Variants in THBS4 observed in about 807,000 individuals in gnomAD.
THBS4 encodes the protein thrombospondin 4.
A neutral mutation model predicts 115.7 loss-of-function variants in THBS4; 90 were observed. That is an observed-to-expected ratio of 0.78 (90% CI 0.66 to 0.93). The LOEUF (loss-of-function observed/expected upper bound fraction) is 0.93. Among genes scored for constraint, THBS4 ranks in the 40% least tolerant of loss-of-function variants. The pLI is 0.00. For synonymous variants in THBS4, 460 were observed against 479.3 expected (o/e 0.96, Z 0.53); for missense variants, 1,087 against 1,232.7 (o/e 0.88, Z 1.77).
chr5:80,035,338 C>T (rs1026728810), upstream of THBS4: 1 of 179,182 alleles, frequency 5.6e-6, no homozygotes, highest in Admixed American at 6.2e-5. The surrounding 1 kb of genome is among the most constrained non-coding windows in gnomAD (Gnocchi z 4.6). Context: ...CGGCCGCTGC[C>T]GCGGAGCCCA....
chr5:80,040,091 C>T lies in THBS4; in HGVS notation c.103C>T (p.Pro35Ser), dbSNP rs1832846336. The change falls in exon 2 of 22, where the codon CCA becomes TCA. Residue 35 changes from proline (P) to serine (S), a missense_variant. Physicochemically the swap from Pro to Ser is moderately conservative, Grantham distance 74. This residue lies in a region of THBS4 where 979 missense variants were observed against 1,103.7 expected (regional missense o/e 0.89). Coordinates refer to ENST00000350881, the MANE Select transcript of THBS4 (RefSeq NM_003248.6). ...CTTCTTCCCAGTCTTTGACCTTCTC[C>T]CATCTTCCAGTCAGAGGCTAAACCC... ...QATPQVFDLL[P>S]SSSQRLNPGA... 1 of 1,613,976 alleles carries T rather than the reference C, an allele frequency of 6.2e-7. No homozygotes were observed. Among genetic ancestry groups the T allele is most frequent in the African/African-American group, 1.3e-5 (1 of 74,880 alleles).
At chr5:80,004,734 T>A (rs1229916038) in intron 2 of THBS4, among the ~76,000 whole-genome samples, 2 of 152,180 alleles carry the variant, frequency 1.3e-5, no homozygotes, top group Non-Finnish European at 2.9e-5. Flanking sequence ...TTTATTTATT[T>A]TTTATTTTTA....
In THBS4 at chr5:80,055,902, G is replaced by T. The variant is rs1487998555; in HGVS notation, c.410G>T (p.Gly137Val). Residue 137 changes from glycine (G) to valine (V), a missense_variant, in exon 3 of 22, where the codon GGG (glycine) becomes GTG (valine). Around this residue, in one of 3 missense-constraint regions of THBS4, gnomAD observed 979 missense variants for 1,103.7 expected, o/e 0.89. Coordinates refer to ENST00000350881, the MANE Select transcript of THBS4 (RefSeq NM_003248.6). ...ILLRLSNLQR[G>V]AGSLELYLDC... ...CTGAGGCTGAGCAATTTGCAGCGAGGGGCCGGCTCCCTAGAGCTCTACCTG... is the reference window on the plus strand; with the variant it reads ...CTGAGGCTGAGCAATTTGCAGCGAGTGGCCGGCTCCCTAGAGCTCTACCTG... 7.4e-6 allele frequency: 12 copies of T among 1,614,064 alleles called. No individual in the cohort carries two copies. The highest frequency in any genetic ancestry group is 1.0e-5 in the Non-Finnish European group (12 of 1,180,032).
intron 2 of THBS4, among the ~76,000 whole-genome samples, chr5:80,049,451 G>C (rs1833182036): frequency 2.0e-5 from 3 of 152,070 alleles, no homozygotes; most frequent in Admixed American, 2.0e-4. Context: ...AGTAGAGATG[G>C]GGTTTCACCA....
chr5:80,071,691 C>T (rs1834065858), intron 13 of THBS4: 1 of 164,490 alleles, frequency 6.1e-6, no homozygotes, highest in Non-Finnish European at 1.3e-5. Context: ...CACACATACA[C>T]CACTCCAGAA....
intron 2 of THBS4, among the ~76,000 whole-genome samples, chr5:80,009,746 T>G (rs992711305): frequency 5.9e-5 from 9 of 152,214 alleles, no homozygotes; most frequent in African/African-American, 1.4e-4. Context: ...CAATTTTGTA[T>G]TTTTCTCAGG....
At chr5:80,005,754 T>C (rs946034183) in intron 2 of THBS4, among the ~76,000 whole-genome samples, 2 of 150,112 alleles carry the variant, frequency 1.3e-5, no homozygotes, top group Admixed American at 6.7e-5. Context: ...GTATGTTTTG[T>C]TTGTGGCATT....
chr5:79,997,926 G>T (rs1464468564), intron 1 of THBS4, among the ~76,000 whole-genome samples: 2 of 152,060 alleles, frequency 1.3e-5, no homozygotes, highest in East Asian at 1.9e-4. Context: ...CAACAGAAAA[G>T]AAATATATAC....
chr5:80,020,561 C>T (rs970394434), intron 2 of THBS4, among the ~76,000 whole-genome samples: 1 of 152,292 alleles, frequency 6.6e-6, no homozygotes, highest in South Asian at 2.1e-4. Flanking sequence ...GTGAGTGCAT[C>T]GCTTAGTCAG....
chr5:80,083,005 T>G (rs909016112), intron 21 of THBS4, 75 bp from the exon 22 acceptor site: 43 of 1,401,140 alleles, frequency 3.1e-5, no homozygotes, highest in Non-Finnish European at 4.2e-5. Flanking sequence ...ACAGGACGCC[T>G]GAGCCGCGGG....
intron 2 of THBS4, among the ~76,000 whole-genome samples, chr5:80,045,774 G>T (rs190702438): frequency 1.2e-4 from 19 of 152,196 alleles, no homozygotes; most frequent in Admixed American, 5.2e-4. Flanking sequence ...CAGATGATCT[G>T]CCTGCTTCGG....
intron 2 of THBS4, among the ~76,000 whole-genome samples, chr5:80,055,101 C>T (rs17882167): frequency 0.012 from 1,898 of 151,978 alleles, 34 homozygotes; most frequent in African/African-American, 0.042. Context: ...GCAGGTGGAT[C>T]GCTTGAGCTC....
At chr5:80,075,757 G>A (rs756967770) in intron 15 of THBS4, among the ~76,000 whole-genome samples, 2 of 152,210 alleles carry the variant, frequency 1.3e-5, no homozygotes, top group Non-Finnish European at 1.5e-5. Context: ...TACATAGAAC[G>A]GCTGCTAATG....
intron 2 of THBS4, 59 bp from the exon 3 acceptor site, chr5:80,055,726 C>T: frequency 6.4e-7 from 1 of 1,560,140 alleles, no homozygotes; most frequent in South Asian, 1.2e-5. Context: ...CATTTGTTGA[C>T]CCTCCACTTC....
In THBS4 at chr5:80,078,116, C is replaced by A. The variant is rs757879984; in HGVS notation, c.2154C>A (p.Val718=). ...ACCAGGTCATCGATCGGATCGACGT[C>A]TGCCCAGAGAACGCAGAGGTCACCC... The part of the protein sequence containing the change: ...DQDQVIDRID[V]CPENAEVTLT... The change falls in exon 17 of 22, where the codon GTC becomes GTA. Residue 718 remains valine (V), a synonymous_variant. Transcript: ENST00000350881. 1.2e-6 allele frequency: 2 copies of A among 1,612,134 alleles called. No homozygotes were observed. The highest frequency in any genetic ancestry group is 4.5e-5 in the East Asian group (2 of 44,820).
chr5:80,003,318 G>A (rs1831942455), intron 2 of THBS4, among the ~76,000 whole-genome samples: 1 of 152,092 alleles, frequency 6.6e-6, no homozygotes, highest in South Asian at 2.1e-4. Flanking sequence ...GAAATGAGAG[G>A]GCGCAAGAAA....
chr5:80,001,725 A>G (rs1831901975), intron 2 of THBS4, among the ~76,000 whole-genome samples: 2 of 152,194 alleles, frequency 1.3e-5, no homozygotes, highest in African/African-American at 4.8e-5. Context: ...TCAACATTTC[A>G]GGAGGGTAAA....
At chr5:80,022,801 T>C (rs999596553) in intron 2 of THBS4, among the ~76,000 whole-genome samples, 1 of 152,234 alleles carries the variant, frequency 6.6e-6, no homozygotes, top group Non-Finnish European at 1.5e-5. Context: ...ACATCTCTTT[T>C]TTCATGCTTT....
At chr5:80,058,901 T>A in intron 5 of THBS4, 111 bp downstream of exon 5, 1 of 1,082,248 alleles carries the variant, frequency 9.2e-7, no homozygotes, top group Non-Finnish European at 1.3e-6. Flanking sequence ...CTGAGCCAGA[T>A]CTCCGGGGGC....
Sources: gnomAD v4.1 joint callset for allele counts (sites outside exome capture counted in the v4.1 genomes callset) on GRCh38, gnomAD v4.1.1 for gene constraint, gnomAD v4.1.1 regional missense constraint, Gnocchi (gnomAD v3.1) non-coding constraint, MANE v1.5 for transcripts, NCBI Gene and HGNC (gene_info 2026-07-23, HGNC 2026-07-21) for gene names.